The following TRERF1 variants were observed in gnomAD, a reference collection of about 807,000 sequenced individuals.
TRERF1 encodes the protein transcriptional regulating factor 1.
A neutral mutation model predicts 122.9 loss-of-function variants in TRERF1; 27 were observed. The ratio of observed to expected loss-of-function variants is 0.22; its 90% CI spans 0.16 to 0.30. The LOEUF is 0.30. Ranked by LOEUF, TRERF1 falls within the 10% of genes least tolerant of loss-of-function variation. The probability of loss-of-function intolerance (pLI) is 1.00; values close to 1 mark genes in which losing one functional copy is unlikely to be tolerated. For missense variants in TRERF1, 1,248 were observed against 1,560.3 expected (o/e 0.80, Z 3.37); for synonymous variants, 636 against 641.7 (o/e 0.99, Z 0.13).
chr6:42,301,038 CACAG>C (rs1279512077), intron 3 of TRERF1, among the ~76,000 whole-genome samples: 4 of 151,900 alleles, frequency 2.6e-5, no homozygotes, highest in African/African-American at 9.7e-5. Context: ...GACAGACAGA[CACAG>C]AGAGATATAG....
chr6:42,293,579 C>T (rs1784629826), intron 4 of TRERF1, among the ~76,000 whole-genome samples: 1 of 152,068 alleles, frequency 6.6e-6, no homozygotes, highest in Non-Finnish European at 1.5e-5. Context: ...TCATGTTGTC[C>T]TCCTTTTTCT....
chr6:42,417,176 C>T lies in TRERF1; in HGVS notation c.-454+34001G>A, dbSNP rs181149910. 6.7e-3 allele frequency among the ~76,000 whole-genome samples: 1,027 copies of T among 152,228 alleles called. 10 individuals carry two copies. Among genetic ancestry groups the T allele is most frequent in the Non-Finnish European group, 0.011 (719 of 67,996 alleles). ...CAAAGCAACATGGGGGCTAACCCTG[C>T]CCACCCCATCTCCAATGCCATCAGG... On this transcript the variant is annotated intron_variant, in intron 2 of 17. Coordinates refer to ENST00000372922, the Ensembl canonical transcript of TRERF1.
At chr6:42,334,712 C>T (rs914109248) in intron 3 of TRERF1, among the ~76,000 whole-genome samples, 1 of 152,232 alleles carries the variant, frequency 6.6e-6, no homozygotes, top group African/African-American at 2.4e-5. Context: ...AACTCCAAGG[C>T]TCCACCCAGG....
At chr6:42,270,877 A>G (rs9394892) in intron 4 of TRERF1, among the ~76,000 whole-genome samples, 3,722 of 149,100 alleles carry the variant, frequency 0.025, 85 homozygotes, top group East Asian at 0.085. Flanking sequence ...GGTTCAAGCG[A>G]TTCTCCTACC....
intron 2 of TRERF1, among the ~76,000 whole-genome samples, chr6:42,391,918 ATGTGCCAGGTGCT>A: frequency 6.6e-6 from 1 of 152,340 alleles, no homozygotes; most frequent in East Asian, 1.9e-4. Flanking sequence ...GAAGGCCTGT[ATGTGCCAGGTGCT>A]TGGCCAGGGT....
chr6:42,315,078 G>A (rs1762266439), intron 3 of TRERF1, among the ~76,000 whole-genome samples: 1 of 152,162 alleles, frequency 6.6e-6, no homozygotes, highest in Non-Finnish European at 1.5e-5. Flanking sequence ...GCGTGCATGT[G>A]GCAGGTGTGC....
chr6:42,448,382 G>C (rs964484331), intron 2 of TRERF1, among the ~76,000 whole-genome samples: 1 of 152,204 alleles, frequency 6.6e-6, no homozygotes, highest in East Asian at 1.9e-4. Flanking sequence ...TTAGTGCATA[G>C]AATTGAGAAT....
intron 7 of TRERF1, among the ~76,000 whole-genome samples, chr6:42,264,302 T>C (rs541459895): frequency 6.6e-6 from 1 of 152,386 alleles, no homozygotes; most frequent in East Asian, 1.9e-4. Flanking sequence ...AAATTCTGGC[T>C]GAGAGCCTGA....
intron 2 of TRERF1, among the ~76,000 whole-genome samples, chr6:42,404,065 G>A (rs536951233): frequency 2.6e-5 from 4 of 152,188 alleles, no homozygotes; most frequent in African/African-American, 4.8e-5. Context: ...CCACCTGCAA[G>A]AGGGAACATG....
Position 42,247,078 on chromosome 6 carries a change from C to T in TRERF1, c.2657-534G>A, listed in dbSNP as rs114616900. On this transcript the variant is annotated intron_variant, in intron 13 of 17. Transcript: ENST00000372922. ...GTAATTGTAATTATTCAGGTAGAGG[C>T]GAGGTGCCAATGGGGCACAAAGGAG... Among the ~76,000 whole-genome samples, 1,278 of 152,194 alleles carry T rather than the reference C, an allele frequency of 8.4e-3. 14 individuals carry two copies. Among genetic ancestry groups the T allele is most frequent in the African/African-American group, 0.024 (998 of 41,516 alleles).
At chr6:42,291,358 A>G (rs1784291023) in intron 4 of TRERF1, among the ~76,000 whole-genome samples, 2 of 151,798 alleles carry the variant, frequency 1.3e-5, no homozygotes, top group Non-Finnish European at 1.5e-5. Flanking sequence ...GGCACGTCCC[A>G]TGAATCTGGC....
chr6:42,409,161 C>G (rs866360672), intron 2 of TRERF1, among the ~76,000 whole-genome samples: 1 of 152,148 alleles, frequency 6.6e-6, no homozygotes, highest in South Asian at 2.1e-4. Flanking sequence ...TGCCTGTAGT[C>G]CCAGCTACTC....
chr6:42,278,217 C>T (rs748830387), intron 4 of TRERF1, among the ~76,000 whole-genome samples: 3 of 152,164 alleles, frequency 2.0e-5, no homozygotes, highest in Non-Finnish European at 2.9e-5. Flanking sequence ...ATAGATCTGA[C>T]GACTGTTTAG....
chr6:42,339,044 C>T (rs1214701136), intron 3 of TRERF1, among the ~76,000 whole-genome samples: 3 of 152,120 alleles, frequency 2.0e-5, no homozygotes, highest in Admixed American at 1.3e-4. Flanking sequence ...CATGCTACTG[C>T]CAGGACTGAC....
exon 2 of TRERF1, chr6:42,451,235 G>C (rs546518069): frequency 8.2e-4 from 126 of 154,044 alleles, no homozygotes; most frequent in African/African-American, 2.7e-3. Context: ...GTATCCGCTT[G>C]GGGGGTGAGA....
chr6:42,317,158 T>C (rs1358560045), intron 3 of TRERF1, among the ~76,000 whole-genome samples: 1 of 151,992 alleles, frequency 6.6e-6, no homozygotes, highest in Non-Finnish European at 1.5e-5. Context: ...TAGAACACCC[T>C]AGCCTCTGAG....
At chr6:42,298,121 A>G (rs185154096) in intron 4 of TRERF1, among the ~76,000 whole-genome samples, 7 of 152,128 alleles carry the variant, frequency 4.6e-5, no homozygotes, top group South Asian at 2.1e-4. Context: ...AATTAGTTAA[A>G]TAGAAGATAG....
chr6:42,302,093 C>A (rs1287331249), intron 3 of TRERF1, among the ~76,000 whole-genome samples: 1 of 152,190 alleles, frequency 6.6e-6, no homozygotes, highest in Non-Finnish European at 1.5e-5. Flanking sequence ...CCAACCCTAA[C>A]TATGGCAACC....
rs1257468392 is a variant in TRERF1 at position 42,436,813 on chromosome 6, AAATATATATATATAT to A, written c.-454+14349_-454+14363del. On this transcript the variant is annotated intron_variant, in intron 2 of 17. Coordinates refer to ENST00000372922, the Ensembl canonical transcript of TRERF1. Reference sequence around the variant, plus strand: ...AATCTCCCTCTACAAAAAAAAAAAAAAATATATATATATATATATATATATATATATATATGAACT... The same window carrying A: ...AATCTCCCTCTACAAAAAAAAAAAAAATATATATATATATATATATGAACT... 9.4e-5 allele frequency among the ~76,000 whole-genome samples: 10 copies of A among 106,896 alleles called. 1 individual carries two copies. The East Asian group carries it at 1.8e-3, about 19-fold the overall frequency. The allele number at this position is 106,896 out of a possible 152,430, so 70.1% of individuals were successfully genotyped here.
Sources: allele counts gnomAD v4.1 joint callset (sites outside exome capture counted in the v4.1 genomes callset), GRCh38; gene constraint gnomAD v4.1.1; transcripts MANE v1.5; gene names NCBI Gene and HGNC (gene_info 2026-07-23, HGNC 2026-07-21).